The following AGAP1 variants were observed in gnomAD, a reference collection of about 807,000 sequenced individuals.
AGAP1 encodes arf-GAP with GTPase, ANK repeat and PH domain-containing protein 1.
A neutral mutation model predicts 105.3 loss-of-function variants in AGAP1; 29 were observed. That is an observed-to-expected ratio of 0.28 (90% confidence interval 0.21 to 0.38). The LOEUF is 0.38. Ranked by LOEUF, AGAP1 falls within the 10% of genes least tolerant of loss-of-function variation. AGAP1 has a pLI of 1.00. For missense variants in AGAP1, 998 were observed against 1,165.1 expected, an observed-to-expected ratio of 0.86 and a Z score of 2.09; for synonymous variants, 509 against 485.9, an observed-to-expected ratio of 1.05 and a Z score of -0.63.
At chr2:235,873,172 C>G (rs1464482373) in intron 9 of AGAP1, among the ~76,000 whole-genome samples, 1 of 152,216 alleles carries the variant, frequency 6.6e-6, no homozygotes, top group Non-Finnish European at 1.5e-5. Context: ...AATGGTTTAA[C>G]TTCTGGGGTC....
At position 235,712,946 on chromosome 2, in the gene AGAP1, G is replaced by A. The variant is rs146602924; in HGVS notation, c.222+3709G>A. On this transcript the variant is annotated intron_variant, in intron 2 of 17. Coordinates refer to ENST00000304032, the MANE Select transcript of AGAP1 (RefSeq NM_001037131.3). The surrounding 1 kb of genome is among the most constrained non-coding windows in gnomAD (Gnocchi z 6.0). ...CCATCAACTGTTAATTTCCACCAGCGTTTCAAATTAAAATGATGCCATCGT... is the reference window on the plus strand; with the variant it reads ...CCATCAACTGTTAATTTCCACCAGCATTTCAAATTAAAATGATGCCATCGT... Among the ~76,000 whole-genome samples the A allele has an allele frequency of 4.4e-4, 67 of 152,264 alleles. 1 individual carries two copies. The East Asian group carries it at 0.012, about 26-fold the overall frequency.
chr2:235,661,183 G>T (rs890242992), intron 1 of AGAP1, among the ~76,000 whole-genome samples: 2 of 152,164 alleles, frequency 1.3e-5, no homozygotes, highest in African/African-American at 4.8e-5. Context: ...AGGGAGAGTG[G>T]ACTCTTCGGG....
chr2:235,880,714 T>C (rs1346185582), intron 9 of AGAP1, among the ~76,000 whole-genome samples: 1 of 148,148 alleles, frequency 6.8e-6, no homozygotes, highest in Non-Finnish European at 1.5e-5. Context: ...CACTGCAGCC[T>C]GGGCGACAGA....
intron 1 of AGAP1, among the ~76,000 whole-genome samples, chr2:235,598,191 G>C (rs1230478856): frequency 1.3e-5 from 2 of 151,964 alleles, no homozygotes; most frequent in Non-Finnish European, 2.9e-5. Flanking sequence ...CGTGTCTACA[G>C]CATCCCAGTC....
rs1214724739 is a variant in AGAP1, at chr2:235,662,136, C to T, written c.164-47043C>T. Among the ~76,000 whole-genome samples, 2 of 152,200 alleles carry T rather than the reference C, an allele frequency of 1.3e-5. No individual in the cohort carries two copies. The highest frequency in any genetic ancestry group is 1.3e-4 in the Admixed American group (2 of 15,280). Reference sequence around the variant, plus strand: ...TGGCCCTCCACCTCCAAGCTGACCACCCTACTCAGCTCCTTTAGGGTGGAG... The same window carrying T: ...TGGCCCTCCACCTCCAAGCTGACCATCCTACTCAGCTCCTTTAGGGTGGAG... On this transcript the variant is annotated intron_variant, in intron 1 of 17. Transcript: ENST00000304032. This position sits in a 1 kb window ranked among gnomAD's most constrained non-coding sequence, Gnocchi z 4.2.
chr2:235,583,298 G>T (rs927988805), intron 1 of AGAP1, among the ~76,000 whole-genome samples: 2 of 151,610 alleles, frequency 1.3e-5, no homozygotes, highest in African/African-American at 4.9e-5. Context: ...GGTCTTAAAT[G>T]ATCCTCTTAC....
rs891945543 is a variant in AGAP1, at chr2:236,109,894, C to T, written c.2115-10298C>T. On this transcript the variant is annotated intron_variant, in intron 16 of 17. Transcript: ENST00000304032. This position sits in a 1 kb window ranked among gnomAD's most constrained non-coding sequence, Gnocchi z 5.4. ...CTGAAGCAAACCCTACCTAACCCTTCGTCAGAGACCAGAACCAAGTGTTAA... is the reference window on the plus strand; with the variant it reads ...CTGAAGCAAACCCTACCTAACCCTTTGTCAGAGACCAGAACCAAGTGTTAA... 3.3e-5 allele frequency among the ~76,000 whole-genome samples: 5 copies of T among 152,260 alleles called. No homozygotes were observed. Among genetic ancestry groups the T allele is most frequent in the Non-Finnish European group, 7.3e-5 (5 of 68,048 alleles).
chr2:236,116,585 G>A (rs1397221612), intron 16 of AGAP1, among the ~76,000 whole-genome samples: 4 of 152,074 alleles, frequency 2.6e-5, no homozygotes, highest in Non-Finnish European at 5.9e-5. Flanking sequence ...CTGACCTCAA[G>A]AGAACCACCC....
intron 1 of AGAP1, chr2:235,670,388 A>G (rs995195061): frequency 9.0e-6 from 5 of 558,000 alleles, no homozygotes; most frequent in Admixed American, 2.9e-5. Flanking sequence ...CACCTTCCGC[A>G]CCCGCAGCAC....
chr2:235,963,094 G>A lies in AGAP1; in HGVS notation c.1484-5368G>A, dbSNP rs1348875863. Among the ~76,000 whole-genome samples the A allele has an allele frequency of 6.6e-6, 1 of 152,176 alleles. No individual in the cohort carries two copies. Among genetic ancestry groups the A allele is most frequent in the African/African-American group, 2.4e-5 (1 of 41,446 alleles). ...GGTGGTCTCTTAGAGGAAGGTGGGT[G>A]GTGGTATTTCCAAGTGCTGTCTCCT... On this transcript the variant is annotated intron_variant, in intron 12 of 17. Transcript: ENST00000304032. This position sits in a 1 kb window ranked among gnomAD's most constrained non-coding sequence, Gnocchi z 5.1.
At chr2:235,809,203 G>A (rs979902155) in intron 9 of AGAP1, among the ~76,000 whole-genome samples, 14 of 152,096 alleles carry the variant, frequency 9.2e-5, no homozygotes, top group African/African-American at 3.4e-4. Context: ...ATTTGTACCT[G>A]CTCATCTGTG....
chr2:235,944,498 A>C (rs2053403517), intron 12 of AGAP1, among the ~76,000 whole-genome samples: 1 of 152,206 alleles, frequency 6.6e-6, no homozygotes, highest in African/African-American at 2.4e-5. Context: ...TCTACTTACA[A>C]ATTCTTTATG....
chr2:235,771,346 G>A (rs1209948318), intron 6 of AGAP1, among the ~76,000 whole-genome samples: 1 of 152,218 alleles, frequency 6.6e-6, no homozygotes, highest in Admixed American at 6.5e-5. Flanking sequence ...AGGTTCAGGT[G>A]CACCTGAGGA....
intron 1 of AGAP1, among the ~76,000 whole-genome samples, chr2:235,571,952 GTGTGTGTATACATATATATGTATACACA>G (rs1010801662): frequency 8.1e-6 from 1 of 123,226 alleles, no homozygotes; most frequent in Non-Finnish European, 1.7e-5. Context: ...GTGTGTGTGT[GTGTGTGTATACATATATATGTATACACA>G]CACACACACA....
intron 1 of AGAP1, among the ~76,000 whole-genome samples, chr2:235,497,987 T>G (rs1443504106): frequency 1.3e-5 from 2 of 152,172 alleles, no homozygotes; most frequent in African/African-American, 4.8e-5. Flanking sequence ...TACTCAAAAC[T>G]TCACTGTTTT....
chr2:235,795,007 A>T (rs2150029355), intron 6 of AGAP1, among the ~76,000 whole-genome samples: 1 of 152,324 alleles, frequency 6.6e-6, no homozygotes, highest in Non-Finnish European at 1.5e-5. Flanking sequence ...TGTTAAACCT[A>T]TTAACATTTA....
At chr2:235,602,160 GA>G (rs925708689) in intron 1 of AGAP1, among the ~76,000 whole-genome samples, 14 of 152,128 alleles carry the variant, frequency 9.2e-5, no homozygotes, top group African/African-American at 3.1e-4. Context: ...GTAGTTGGGG[GA>G]AAAAATCAAA....
In AGAP1 at chr2:235,551,751, A is replaced by C. The variant is rs1019152397; in HGVS notation, c.163+56902A>C. On this transcript the variant is annotated intron_variant, in intron 1 of 17. Coordinates refer to ENST00000304032, the MANE Select transcript of AGAP1 (RefSeq NM_001037131.3). This position sits in a 1 kb window ranked among gnomAD's most constrained non-coding sequence, Gnocchi z 4.8. ...TTTAGGGAAAGCAGGACAAACCCTA[A>C]AAGACTTTCTCTGAATGTTACCTTT... 6.6e-6 allele frequency among the ~76,000 whole-genome samples: 1 copy of C among 152,162 alleles called. No individual in the cohort carries two copies. The highest frequency in any genetic ancestry group is 2.4e-5 in the African/African-American group (1 of 41,438).
At chr2:235,885,170 C>T (rs1575693782) in intron 10 of AGAP1, among the ~76,000 whole-genome samples, 2 of 152,212 alleles carry the variant, frequency 1.3e-5, no homozygotes, top group Non-Finnish European at 1.5e-5. Flanking sequence ...CCGGCTATTT[C>T]TATGTATATT....
Sources: gnomAD v4.1 joint callset for allele counts (sites outside exome capture counted in the v4.1 genomes callset) on GRCh38, gnomAD v4.1.1 for gene constraint, Gnocchi (gnomAD v3.1) non-coding constraint, MANE v1.5 for transcripts, NCBI Gene and HGNC (gene_info 2026-07-23, HGNC 2026-07-21) for gene names.